LRRTM4: variants seen among roughly 807,000 people sequenced by gnomAD.
The protein encoded by LRRTM4 is leucine rich repeat transmembrane neuronal 4, also known as leucine-rich repeat transmembrane neuronal protein 4.
LRRTM4 carries 25 observed loss-of-function variants against 47.6 expected under a neutral mutation model. The ratio of observed to expected loss-of-function variants is 0.53; its 90% CI spans 0.38 to 0.73. The LOEUF is 0.73. Ranked by LOEUF, LRRTM4 falls within the 30% of genes least tolerant of loss-of-function variation. LRRTM4 has a pLI of 0.00. For missense variants in LRRTM4, 638 were observed against 713.4 expected (o/e 0.89, Z 1.20); for synonymous variants, 311 against 269.5 (o/e 1.15, Z -1.51).
Position 77,205,630 on chromosome 2 carries a change from C to G in LRRTM4, c.1551+312688G>C, listed in dbSNP as rs936060567. Among the ~76,000 whole-genome samples, 3 of 152,100 alleles carry G rather than the reference C, an allele frequency of 2.0e-5. No homozygotes were observed. In the South Asian group the frequency reaches 6.2e-4, roughly 32 times the overall value. ...GTGAAGAGAGGTCAGAGAGGAAGGA[C>G]AATCCAGGGCCTTTGGACTTAGAGC... On this transcript the variant is annotated intron_variant, in intron 3 of 3. Coordinates refer to ENST00000409884, the MANE Select transcript of LRRTM4 (RefSeq NM_001134745.3).
chr2:76,771,401 T>C (rs1263307121), intron 3 of LRRTM4, among the ~76,000 whole-genome samples: 1 of 152,048 alleles, frequency 6.6e-6, no homozygotes, highest in Non-Finnish European at 1.5e-5. Context: ...TTAGATAAGA[T>C]TGAAGCAAAA....
intron 3 of LRRTM4, among the ~76,000 whole-genome samples, chr2:77,056,838 A>C (rs528680659): frequency 4.6e-5 from 7 of 152,312 alleles, no homozygotes; most frequent in African/African-American, 1.7e-4. Flanking sequence ...TCACACCCTA[A>C]ATATCTATAG....
chr2:77,051,028 T>TAAAA (rs369292203), intron 3 of LRRTM4, among the ~76,000 whole-genome samples: 4,817 of 151,418 alleles, frequency 0.032, 195 homozygotes, highest in African/African-American at 0.095. Context: ...TTTTTTTTTT[T>TAAAA]AAAATAGATA....
intron 3 of LRRTM4, among the ~76,000 whole-genome samples, chr2:76,917,064 G>C (rs746557632): frequency 3.9e-5 from 6 of 152,170 alleles, no homozygotes; most frequent in Non-Finnish European, 5.9e-5. Context: ...TTTTGGTGTA[G>C]ACCAGGGGTT....
chr2:76,880,038 A>C (rs1052529000), intron 3 of LRRTM4, among the ~76,000 whole-genome samples: 1 of 152,246 alleles, frequency 6.6e-6, no homozygotes, highest in African/African-American at 2.4e-5. Flanking sequence ...AAGAAAGTAG[A>C]ATCTTGAGAT....
At chr2:76,987,192 A>AG (rs1243090926) in intron 3 of LRRTM4, among the ~76,000 whole-genome samples, 1 of 151,808 alleles carries the variant, frequency 6.6e-6, no homozygotes, top group Non-Finnish European at 1.5e-5. Flanking sequence ...TTTCTTTTTA[A>AG]GAAGTATTGT....
chr2:76,847,251 A>G (rs1671862795), intron 3 of LRRTM4, among the ~76,000 whole-genome samples: 1 of 152,170 alleles, frequency 6.6e-6, no homozygotes, highest in Non-Finnish European at 1.5e-5. Context: ...CCTAACACAC[A>G]CAGGTTAGCC....
chr2:77,289,079 T>C (rs370619519), intron 3 of LRRTM4, among the ~76,000 whole-genome samples: 2 of 152,130 alleles, frequency 1.3e-5, no homozygotes, highest in Admixed American at 6.6e-5. Context: ...GTTAAATGTC[T>C]ATATGTATAG....
chr2:77,396,687 GA>G (rs1354091152), intron 3 of LRRTM4, among the ~76,000 whole-genome samples: 2 of 151,904 alleles, frequency 1.3e-5, no homozygotes, highest in African/African-American at 4.8e-5. Flanking sequence ...AGACAGCAAA[GA>G]GGCTATTTAT....
intron 3 of LRRTM4, among the ~76,000 whole-genome samples, chr2:77,037,310 T>C (rs1046483980): frequency 1.3e-4 from 19 of 151,870 alleles, no homozygotes; most frequent in African/African-American, 4.6e-4. Flanking sequence ...AATACAAAGT[T>C]CACACTAGTG....
chr2:76,909,257 C>T (rs1189280058), intron 3 of LRRTM4, among the ~76,000 whole-genome samples: 11 of 152,192 alleles, frequency 7.2e-5, no homozygotes, highest in Non-Finnish European at 1.2e-4. Context: ...GATTCCCTGT[C>T]TAATAAATGG....
intron 3 of LRRTM4, among the ~76,000 whole-genome samples, chr2:77,475,708 A>C (rs1677360445): frequency 6.6e-6 from 1 of 151,034 alleles, no homozygotes; most frequent in Non-Finnish European, 1.5e-5. Context: ...CCATTGTCCT[A>C]TTTCCTTACC....
At chr2:77,021,499 T>A (rs924850322) in intron 3 of LRRTM4, among the ~76,000 whole-genome samples, 3 of 152,148 alleles carry the variant, frequency 2.0e-5, no homozygotes, top group Non-Finnish European at 4.4e-5. Flanking sequence ...CCAATACACA[T>A]GATGCAAGCA....
chr2:77,157,413 T>C (rs1185483744), intron 3 of LRRTM4, among the ~76,000 whole-genome samples: 2 of 152,166 alleles, frequency 1.3e-5, no homozygotes, highest in Admixed American at 6.6e-5. Context: ...AAACTAAAAA[T>C]ATAAATACAC....
At chr2:77,427,802 T>A (rs187019546) in intron 3 of LRRTM4, among the ~76,000 whole-genome samples, 7 of 152,336 alleles carry the variant, frequency 4.6e-5, no homozygotes, top group East Asian at 3.9e-4. Flanking sequence ...GATATATAAA[T>A]CAATGTTACT....
At chr2:77,417,399 C>T (rs539524287) in intron 3 of LRRTM4, among the ~76,000 whole-genome samples, 2 of 152,156 alleles carry the variant, frequency 1.3e-5, no homozygotes, top group African/African-American at 4.8e-5. Context: ...TGGGTATATA[C>T]CCAAAGGATT....
chr2:77,186,636 C>T (rs146667013), intron 3 of LRRTM4, among the ~76,000 whole-genome samples: 1 of 152,052 alleles, frequency 6.6e-6, no homozygotes, highest in East Asian at 1.9e-4. Flanking sequence ...CATATAATGT[C>T]ATAAAAAGGA....
chr2:76,979,658 G>A (rs946207899), intron 3 of LRRTM4, among the ~76,000 whole-genome samples: 1 of 147,144 alleles, frequency 6.8e-6, no homozygotes. Context: ...GCAAGAGCTT[G>A]GTTGTGTTTG....
At chr2:77,459,106 T>G (rs1428485509) in intron 3 of LRRTM4, among the ~76,000 whole-genome samples, 2 of 152,120 alleles carry the variant, frequency 1.3e-5, no homozygotes, top group African/African-American at 4.8e-5. Flanking sequence ...CATTCATTTT[T>G]GTCCAAAATA....
Sources: gnomAD v4.1 joint callset for allele counts (sites outside exome capture counted in the v4.1 genomes callset) on GRCh38, gnomAD v4.1.1 for gene constraint, MANE v1.5 for transcripts, NCBI Gene and HGNC (gene_info 2026-07-23, HGNC 2026-07-21) for gene names.